Variants in MFSD6L observed in about 807,000 individuals in gnomAD.
MFSD6L encodes the protein major facilitator superfamily domain-containing protein 6-like.
Under a neutral mutation model 6.4 loss-of-function variants are expected in MFSD6L, and 9 were observed. The observed-to-expected ratio is 1.42, with a 90% CI of 0.85 to 2.47. The LOEUF (loss-of-function observed/expected upper bound fraction) is 2.47. Among genes scored for constraint, MFSD6L ranks in the 30% most tolerant of loss-of-function variants. The probability of loss-of-function intolerance (pLI) is 0.00; values close to 1 mark genes in which losing one functional copy is unlikely to be tolerated. For missense variants in MFSD6L, 747 were observed against 730.6 expected (o/e 1.02, Z -0.26); for synonymous variants, 336 against 322.4 (o/e 1.04, Z -0.45).
At position 8,799,188 on chromosome 17, in the gene MFSD6L, A is replaced by G. The variant is rs1031691626; in HGVS notation, c.-68T>C. On this transcript the variant is annotated 5_prime_UTR_variant, in exon 1 of 1. Transcript: ENST00000329805. This position sits in a 1 kb window ranked among gnomAD's most constrained non-coding sequence, Gnocchi z 5.3. ...CTGGGCGCAGGGCGGGCGCGGCCCC[A>G]GGTACCCGGGAGGGAGGCTTGGGGG... 25 of 1,413,466 alleles carry G rather than the reference A, an allele frequency of 1.8e-5. No individual in the cohort carries two copies. In the Admixed American group the frequency reaches 6.2e-4, roughly 35 times the overall value. 87.6% of individuals were successfully genotyped at this position (1,413,466 alleles called of 1,614,324 possible). A position where few individuals can be genotyped will look rare whatever the true frequency, so the allele number is the denominator to read the frequency against.
Position 8,797,614 on chromosome 17 carries a change from C to G in MFSD6L, c.1507G>C (p.Gly503Arg), listed in dbSNP as rs781422247. The G allele has an allele frequency of 6.2e-7, 1 of 1,613,412 alleles. No homozygotes were observed. The highest frequency in any genetic ancestry group is 1.1e-5 in the South Asian group (1 of 91,082). ...CCGACAAAGCTGCCCAGGCTACAGCCACTCCCGTAAAAGTGGCCTCGGAAC... is the reference window on the plus strand; with the variant it reads ...CCGACAAAGCTGCCCAGGCTACAGCGACTCCCGTAAAAGTGGCCTCGGAAC... Reference protein sequence around the residue: ...ALFRGHFYGSGCSLGSFVGGF... With the variant: ...ALFRGHFYGSRCSLGSFVGGF... Residue 503 changes from glycine to arginine, a missense_variant, in exon 1 of 1, where the codon GGC becomes CGC. Transcript: ENST00000329805.
In MFSD6L at chr17:8,799,245, C is replaced by T. The variant is rs2087025875; in HGVS notation, c.-125G>A. On this transcript the variant is annotated 5_prime_UTR_variant, in exon 1 of 1. Transcript: ENST00000329805. The surrounding 1 kb of genome is among the most constrained non-coding windows in gnomAD (Gnocchi z 5.3). ...GCTCGGAGCGAGTGGGACTGCGCCC[C>T]CGGTCTGGGGCGGCGCCGCGGTCAC... is the stretch of plus-strand genomic sequence containing the variant. 4 of 826,090 alleles carry T rather than the reference C, an allele frequency of 4.8e-6. No individual in the cohort carries two copies. The East Asian group carries it at 1.3e-4, about 27-fold the overall frequency. 51.2% of individuals were successfully genotyped at this position (826,090 alleles called of 1,614,324 possible).
At position 8,798,199 on chromosome 17, in the gene MFSD6L, G is replaced by C; in HGVS notation, c.922C>G (p.Gln308Glu). 1 of 1,612,310 alleles carries C rather than the reference G, an allele frequency of 6.2e-7. No individual in the cohort carries two copies. The highest frequency in any genetic ancestry group is 8.5e-7 in the Non-Finnish European group (1 of 1,179,982). Residue 308 changes from glutamine (Q) to glutamate (E), a missense_variant, in exon 1 of 1, where the codon CAG becomes GAG. Physicochemically the swap from Gln to Glu is conservative, Grantham distance 29. Transcript: ENST00000329805. ...GVCGITALVG[Q>E]LDCFLMTSGP... ...CTGGTCATCAGGAAGCAGTCCAGCT[G>C]CCCCACCAAGGCTGTGATGCCACAC... is the stretch of plus-strand genomic sequence containing the variant.
Position 8,797,925 on chromosome 17 carries a change from C to T in MFSD6L, c.1196G>A (p.Gly399Asp). 3 of 1,613,922 alleles carry T rather than the reference C, an allele frequency of 1.9e-6. No individual in the cohort carries two copies. Among genetic ancestry groups the T allele is most frequent in the Non-Finnish European group, 1.7e-6 (2 of 1,180,040 alleles). The stretch of plus-strand genomic sequence containing the variant: ...GACCGAGAAACCCATGACCAGCTCG[C>T]CGCTCCCATGGTCCTTCATGTGCCA... Reference protein sequence around the residue: ...LFWHMKDHGSGELVMGFSVAL... With the variant: ...LFWHMKDHGSDELVMGFSVAL... The change falls in exon 1 of 1, where the codon GGC (glycine) becomes GAC (aspartate). Residue 399 changes from glycine (G) to aspartate (D), a missense_variant. By Grantham distance (94) the Gly-to-Asp change is moderately conservative. Transcript: ENST00000329805.
chr17:8,798,656 G>A lies in MFSD6L; in HGVS notation c.465C>T (p.Asn155=). 6.2e-7 allele frequency: 1 copy of A among 1,614,176 alleles called. No individual in the cohort carries two copies. The highest frequency in any genetic ancestry group is 8.5e-7 in the Non-Finnish European group (1 of 1,180,030). Residue 155 remains asparagine (N), a synonymous_variant, in exon 1 of 1, where the codon AAC becomes AAT. Coordinates refer to ENST00000329805, the MANE Select transcript of MFSD6L (RefSeq NM_152599.4). ...TTTCTCGGTCACTTTCACCAGGTGG[G>A]TTTCTGAAGCCAGGCATTTCCACCT... The part of the protein sequence containing the change: ...TAEVEMPGFR[N]PPGESDRETF...
rs1304278828 is a variant in MFSD6L at position 8,798,654 on chromosome 17, G to A, written c.467C>T (p.Pro156Leu). 6.2e-7 allele frequency: 1 copy of A among 1,614,198 alleles called. No homozygotes were observed. Among genetic ancestry groups the A allele is most frequent in the African/African-American group, 1.3e-5 (1 of 75,064 alleles). Residue 156 changes from proline (P) to leucine (L), a missense_variant, in exon 1 of 1, where the codon CCA (proline) becomes CTA (leucine). By Grantham distance (98) the Pro-to-Leu change is moderately conservative (BLOSUM62 -3). Transcript: ENST00000329805. Reference sequence around the variant, plus strand: ...AGTTTCTCGGTCACTTTCACCAGGTGGGTTTCTGAAGCCAGGCATTTCCAC... The same window carrying A: ...AGTTTCTCGGTCACTTTCACCAGGTAGGTTTCTGAAGCCAGGCATTTCCAC... ...AEVEMPGFRNPPGESDRETFR... is the reference protein window; with the variant it reads ...AEVEMPGFRNLPGESDRETFR...
rs1418049077 is a variant in MFSD6L, at chr17:8,798,751, C to A, written c.370G>T (p.Val124Phe). The change falls in exon 1 of 1, where the codon GTC becomes TTC. Residue 124 changes from valine (V) to phenylalanine (F), a missense_variant. By Grantham distance (50) the Val-to-Phe change is conservative. Coordinates refer to ENST00000329805, the MANE Select transcript of MFSD6L (RefSeq NM_152599.4). ...GAGGTGATGTTCACAGGTAGCGTGA[C>A]CCCCGGGAGTGCGTCTGTGCTGGTC... ...GLTSTDALPG[V>F]TLPVNITSAQ... 1.9e-6 allele frequency: 3 copies of A among 1,613,950 alleles called. No individual in the cohort carries two copies. The highest frequency in any genetic ancestry group is 1.3e-5 in the African/African-American group (1 of 75,020).
chr17:8,798,026 G>T lies in MFSD6L; in HGVS notation c.1095C>A (p.Asp365Glu). ...TGGAGGCGAGGAGAATGAGGTGGGGGTCACCCCCCACAATGGACAGTGCTT... is the reference window on the plus strand; with the variant it reads ...TGGAGGCGAGGAGAATGAGGTGGGGTTCACCCCCCACAATGGACAGTGCTT... ...RVKALSIVGGDPHLILLASTT... is the reference protein window; with the variant it reads ...RVKALSIVGGEPHLILLASTT... Residue 365 changes from aspartate to glutamate, a missense_variant, in exon 1 of 1, where the codon GAC (aspartate) becomes GAA (glutamate). By Grantham distance (45) the Asp-to-Glu change is conservative. Transcript: ENST00000329805. 1 of 1,614,008 alleles carries T rather than the reference G, an allele frequency of 6.2e-7. No homozygotes were observed. Among genetic ancestry groups the T allele is most frequent in the Non-Finnish European group, 8.5e-7 (1 of 1,179,992 alleles).
rs561027210 is a variant in MFSD6L, at chr17:8,799,242, C to T, written c.-122G>A. The stretch of plus-strand genomic sequence containing the variant: ...GGGGCTCGGAGCGAGTGGGACTGCG[C>T]CCCCGGTCTGGGGCGGCGCCGCGGT... On this transcript the variant is annotated 5_prime_UTR_variant, in exon 1 of 1. Coordinates refer to ENST00000329805, the MANE Select transcript of MFSD6L (RefSeq NM_152599.4). This position sits in a 1 kb window ranked among gnomAD's most constrained non-coding sequence, Gnocchi z 5.3. 3.0e-4 allele frequency: 254 copies of T among 853,994 alleles called. No homozygotes were observed. The African/African-American group carries it at 3.6e-3, about 12-fold the overall frequency. The allele number at this position is 853,994 out of a possible 1,614,324, so 52.9% of individuals were successfully genotyped here. A position where few individuals can be genotyped will look rare whatever the true frequency, so the allele number is the denominator to read the frequency against.
Position 8,797,326 on chromosome 17 carries a change from G to A in MFSD6L, c.*34C>T. 3 of 1,524,754 alleles carry A rather than the reference G, an allele frequency of 2.0e-6. No individual in the cohort carries two copies. Among genetic ancestry groups the A allele is most frequent in the Non-Finnish European group, 2.6e-6 (3 of 1,136,316 alleles). 94.5% of individuals were successfully genotyped at this position (1,524,754 alleles called of 1,614,324 possible). On this transcript the variant is annotated 3_prime_UTR_variant, in exon 1 of 1. Transcript: ENST00000329805. ...GTTTTGTTCAGTCCATTCGTTCCTTGCTGGATCAGCACACTCTGGATTTCT... is the reference window on the plus strand; with the variant it reads ...GTTTTGTTCAGTCCATTCGTTCCTTACTGGATCAGCACACTCTGGATTTCT...
Position 8,798,044 on chromosome 17 carries a change from C to T in MFSD6L, c.1077G>A (p.Leu359=), listed in dbSNP as rs1597365573. The part of the protein sequence containing the change: ...WEPSYKRVKA[L]SIVGGDPHLI... Reference sequence around the variant, plus strand: ...GGTGGGGGTCACCCCCCACAATGGACAGTGCTTTGACCCTTTTGTAGCTGG... The same window carrying T: ...GGTGGGGGTCACCCCCCACAATGGATAGTGCTTTGACCCTTTTGTAGCTGG... Residue 359 remains leucine (L), a synonymous_variant, in exon 1 of 1, where the codon CTG becomes CTA. Transcript: ENST00000329805. 1.2e-6 allele frequency: 2 copies of T among 1,614,082 alleles called. No individual in the cohort carries two copies. Among genetic ancestry groups the T allele is most frequent in the Middle Eastern group, 1.6e-4 (1 of 6,062 alleles).
Position 8,799,212 on chromosome 17 carries a change from G to T in MFSD6L, c.-92C>A. 1 of 1,233,630 alleles carries T rather than the reference G, an allele frequency of 8.1e-7. No individual in the cohort carries two copies. The highest frequency in any genetic ancestry group is 1.5e-5 in the African/African-American group (1 of 64,658). The allele number at this position is 1,233,630 out of a possible 1,614,324, so 76.4% of individuals were successfully genotyped here. ...CAGGTACCCGGGAGGGAGGCTTGGGGGACCGGGGCTCGGAGCGAGTGGGAC... is the reference window on the plus strand; with the variant it reads ...CAGGTACCCGGGAGGGAGGCTTGGGTGACCGGGGCTCGGAGCGAGTGGGAC... On this transcript the variant is annotated 5_prime_UTR_variant, in exon 1 of 1. Transcript: ENST00000329805. This position sits in a 1 kb window ranked among gnomAD's most constrained non-coding sequence, Gnocchi z 5.3.
rs201485721 is a variant in MFSD6L at position 8,798,524 on chromosome 17, C to G, written c.597G>C (p.Trp199Cys). The part of the protein sequence containing the change: ...PVTSGLKDHP[W>C]EVTFEVVKTA... The stretch of plus-strand genomic sequence containing the variant: ...TCTTGACCACCTCAAAAGTAACTTC[C>G]CAGGGATGATCTTTCAGCCCCGAAG... The change falls in exon 1 of 1, where the codon TGG becomes TGC. Residue 199 changes from tryptophan (W) to cysteine (C), a missense_variant. Trp to Cys is a radical substitution (Grantham distance 215, BLOSUM62 -2). Transcript: ENST00000329805. The G allele has an allele frequency of 6.2e-7, 1 of 1,613,504 alleles. No individual in the cohort carries two copies. The highest frequency in any genetic ancestry group is 2.2e-5 in the East Asian group (1 of 44,866).
Position 8,799,116 on chromosome 17 carries a change from C to A in MFSD6L, c.5G>T (p.Ser2Ile). 6.4e-7 allele frequency: 1 copy of A among 1,550,658 alleles called. No homozygotes were observed. The highest frequency in any genetic ancestry group is 8.7e-7 in the Non-Finnish European group (1 of 1,147,972). The change falls in exon 1 of 1, where the codon AGT (serine) becomes ATT (isoleucine). Residue 2 changes from serine to isoleucine, a missense_variant. Coordinates refer to ENST00000329805, the MANE Select transcript of MFSD6L (RefSeq NM_152599.4). The surrounding 1 kb of genome is among the most constrained non-coding windows in gnomAD (Gnocchi z 5.3). ...GCTGATGTCCCACCGGGGGTTGGCA[C>A]TCATGGCTGCCGGGCTCTGTCAGGC... MSANPRWDISRA... is the reference protein window; with the variant it reads MIANPRWDISRA...
At position 8,798,715 on chromosome 17, in the gene MFSD6L, A is replaced by C. The variant is rs1364020449; in HGVS notation, c.406T>G (p.Ser136Ala). 5 of 1,613,214 alleles carry C rather than the reference A, an allele frequency of 3.1e-6. No homozygotes were observed. Among genetic ancestry groups the C allele is most frequent in the Non-Finnish European group, 4.2e-6 (5 of 1,179,872 alleles). Residue 136 changes from serine (S) to alanine (A), a missense_variant, in exon 1 of 1, where the codon TCT becomes GCT. Ser to Ala is a moderately conservative substitution (Grantham distance 99, BLOSUM62 1). Coordinates refer to ENST00000329805, the MANE Select transcript of MFSD6L (RefSeq NM_152599.4). ...LPVNITSAQE[S>A]ASSHPAKRTA... Reference sequence around the variant, plus strand: ...CTCTTGGCTGGGTGGCTGGAGGCAGACTCTTGGGCCGAGGTGATGTTCACA... The same window carrying C: ...CTCTTGGCTGGGTGGCTGGAGGCAGCCTCTTGGGCCGAGGTGATGTTCACA...
At position 8,798,727 on chromosome 17, in the gene MFSD6L, A is replaced by T. The variant is rs375025382; in HGVS notation, c.394T>A (p.Ser132Thr). ...PGVTLPVNIT[S>T]AQESASSHPA... ...TGGCTGGAGGCAGACTCTTGGGCCGAGGTGATGTTCACAGGTAGCGTGACC... is the reference window on the plus strand; with the variant it reads ...TGGCTGGAGGCAGACTCTTGGGCCGTGGTGATGTTCACAGGTAGCGTGACC... The change falls in exon 1 of 1, where the codon TCG (serine) becomes ACG (threonine). Residue 132 changes from serine (S) to threonine (T), a missense_variant. Physicochemically the swap from Ser to Thr is moderately conservative, Grantham distance 58. Coordinates refer to ENST00000329805, the MANE Select transcript of MFSD6L (RefSeq NM_152599.4). 1 of 1,613,794 alleles carries T rather than the reference A, an allele frequency of 6.2e-7. No individual in the cohort carries two copies. The highest frequency in any genetic ancestry group is 8.5e-7 in the Non-Finnish European group (1 of 1,180,006).
In MFSD6L at chr17:8,798,260, C is replaced by A. The variant is rs1241019553; in HGVS notation, c.861G>T (p.Leu287=). Reference sequence around the variant, plus strand: ...ACATGCCCAGCAACCTCCAGACCCACAGGCTTCTGTATCGGTCAGTGGCAT... The same window carrying A: ...ACATGCCCAGCAACCTCCAGACCCAAAGGCTTCTGTATCGGTCAGTGGCAT... ...FVDATDRYRS[L]WVWRLLGMSA... is the part of the protein sequence containing the mutation. The change falls in exon 1 of 1, where the codon CTG becomes CTT. Residue 287 remains leucine (L), a synonymous_variant. Coordinates refer to ENST00000329805, the MANE Select transcript of MFSD6L (RefSeq NM_152599.4). 6.2e-7 allele frequency: 1 copy of A among 1,609,002 alleles called. No individual in the cohort carries two copies. Among genetic ancestry groups the A allele is most frequent in the African/African-American group, 1.3e-5 (1 of 75,052 alleles).
Position 8,798,391 on chromosome 17 carries a change from G to C in MFSD6L, c.730C>G (p.Arg244Gly). ...GACCCCAAGGAGAGGATAAAAGTCC[G>C]CCGCAACGCCTCCAAGGACAGGTCA... ...AFDLSLEALR[R>G]TFILSLGSVA... Residue 244 changes from arginine to glycine, a missense_variant, in exon 1 of 1, where the codon CGG becomes GGG. By Grantham distance (125) the Arg-to-Gly change is moderately radical. Coordinates refer to ENST00000329805, the MANE Select transcript of MFSD6L (RefSeq NM_152599.4). 6.2e-7 allele frequency: 1 copy of C among 1,612,066 alleles called. No individual in the cohort carries two copies. Among genetic ancestry groups the C allele is most frequent in the Non-Finnish European group, 8.5e-7 (1 of 1,179,272 alleles).
chr17:8,799,024 A>T lies in MFSD6L; in HGVS notation c.97T>A (p.Phe33Ile). The change falls in exon 1 of 1, where the codon TTC (phenylalanine) becomes ATC (isoleucine). Residue 33 changes from phenylalanine (F) to isoleucine (I), a missense_variant. By Grantham distance (21) the Phe-to-Ile change is conservative. Coordinates refer to ENST00000329805, the MANE Select transcript of MFSD6L (RefSeq NM_152599.4). This position sits in a 1 kb window ranked among gnomAD's most constrained non-coding sequence, Gnocchi z 5.3. ...CGVREACVTP[F>I]LTLYLRQLGL... ...AGCTGCCTCAGGTAAAGGGTCAGGA[A>T]CGGGGTCACGCAGGCTTCCCGCACC... 6.2e-7 allele frequency: 1 copy of T among 1,613,440 alleles called. No individual in the cohort carries two copies.
Sources: gnomAD v4.1 joint callset for allele counts on GRCh38, gnomAD v4.1.1 for gene constraint, Gnocchi (gnomAD v3.1) non-coding constraint, MANE v1.5 for transcripts, NCBI Gene and HGNC (gene_info 2026-07-23, HGNC 2026-07-21) for gene names.